Variants in CTNND2 observed in about 807,000 individuals in gnomAD.
CTNND2 encodes catenin delta-2.
A neutral mutation model predicts 144.4 loss-of-function variants in CTNND2; 22 were observed. The ratio of observed to expected loss-of-function variants is 0.15; its 90% CI spans 0.11 to 0.22. The LOEUF (loss-of-function observed/expected upper bound fraction) is 0.22, where lower values mean the gene tolerates loss of function less well. Ranked by LOEUF, CTNND2 falls within the 10% of genes least tolerant of loss-of-function variation. The pLI is 1.00. For synonymous variants in CTNND2, 751 were observed against 695.6 expected (o/e 1.08, Z -1.25); for missense variants, 1,353 against 1,618.8 (o/e 0.84, Z 2.82).
chr5:11,541,848 C>CG lies in CTNND2; in HGVS notation c.287+23095_287+23096insC, dbSNP rs202003135. Among the ~76,000 whole-genome samples the CG allele has an allele frequency of 4.2e-3, 626 of 147,680 alleles. 13 individuals are homozygous for CG. Among genetic ancestry groups the CG allele is most frequent in the African/African-American group, 0.014 (538 of 39,214 alleles). On this transcript the variant is annotated intron_variant, in intron 3 of 21. Transcript: ENST00000304623. ...TATTATTTATTATCGACCCCCCCCC[C>CG]CCGGCCAAAAGCCTTTTCCAACTTT... is the stretch of plus-strand genomic sequence containing the variant.
chr5:11,028,176 G>T (rs774617991), intron 16 of CTNND2, among the ~76,000 whole-genome samples: 6 of 152,150 alleles, frequency 3.9e-5, no homozygotes, highest in Non-Finnish European at 8.8e-5. Flanking sequence ...AAACTTAAAT[G>T]TCTCAAACTG....
At chr5:11,679,734 T>G (rs1230016557) in intron 2 of CTNND2, among the ~76,000 whole-genome samples, 1 of 152,208 alleles carries the variant, frequency 6.6e-6, no homozygotes, top group African/African-American at 2.4e-5. Context: ...AGCATAATGG[T>G]TTGTTGAATT....
At chr5:11,212,845 G>T (rs138820290) in intron 10 of CTNND2, among the ~76,000 whole-genome samples, 9 of 152,306 alleles carry the variant, frequency 5.9e-5, no homozygotes, top group African/African-American at 2.2e-4. Flanking sequence ...GGGGGATGCT[G>T]GGAGGAGACT....
intron 3 of CTNND2, among the ~76,000 whole-genome samples, chr5:11,541,362 A>G (rs1361187493): frequency 6.6e-6 from 1 of 152,232 alleles, no homozygotes; most frequent in Non-Finnish European, 1.5e-5. Context: ...GATAAAGGTA[A>G]ATAGCCATAA....
chr5:11,586,999 G>T (rs1453602414), intron 2 of CTNND2, among the ~76,000 whole-genome samples: 1 of 152,064 alleles, frequency 6.6e-6, no homozygotes, highest in Non-Finnish European at 1.5e-5. Context: ...AAGGGAATGG[G>T]CAAACATAAT....
chr5:11,408,989 T>A (rs1274508044), intron 5 of CTNND2, among the ~76,000 whole-genome samples: 1 of 152,074 alleles, frequency 6.6e-6, no homozygotes, highest in Non-Finnish European at 1.5e-5. Context: ...TTCTTGCTAT[T>A]TATTTACCTC....
intron 1 of CTNND2, among the ~76,000 whole-genome samples, chr5:11,787,585 GA>G (rs1312647793): frequency 2.6e-5 from 4 of 152,120 alleles, no homozygotes; most frequent in African/African-American, 9.7e-5. Flanking sequence ...AGCATTTTAA[GA>G]TTTTTTTATT....
chr5:11,706,673 A>G (rs978390480), intron 2 of CTNND2, among the ~76,000 whole-genome samples: 1 of 152,348 alleles, frequency 6.6e-6, no homozygotes, highest in African/African-American at 2.4e-5. Flanking sequence ...AATCACACAT[A>G]GCCTCTTGTG....
chr5:11,102,473 C>A (rs182480014), intron 14 of CTNND2, among the ~76,000 whole-genome samples: 2 of 152,258 alleles, frequency 1.3e-5, no homozygotes, highest in African/African-American at 4.8e-5. Flanking sequence ...GGTAGCAAAG[C>A]AGTGAGTGTA....
chr5:11,324,328 A>G (rs560347649), intron 9 of CTNND2, among the ~76,000 whole-genome samples: 2 of 152,326 alleles, frequency 1.3e-5, no homozygotes, highest in East Asian at 3.9e-4. Context: ...AAGCCTGCTG[A>G]AATGTCCACT....
At chr5:11,441,958 TTTCTAA>T (rs1764307244) in intron 3 of CTNND2, among the ~76,000 whole-genome samples, 1 of 152,234 alleles carries the variant, frequency 6.6e-6, no homozygotes. Context: ...CTGTGTGGCT[TTTCTAA>T]TTTTTTCCAA....
chr5:11,085,163 A>G (rs1275461767), intron 15 of CTNND2, among the ~76,000 whole-genome samples: 1 of 152,226 alleles, frequency 6.6e-6, no homozygotes, highest in Admixed American at 6.5e-5. Context: ...CTGGGAATTG[A>G]TTTGAGAGCA....
intron 1 of CTNND2, among the ~76,000 whole-genome samples, chr5:11,843,600 A>T (rs1425066530): frequency 6.6e-6 from 1 of 152,206 alleles, no homozygotes; most frequent in East Asian, 1.9e-4. Context: ...TTAGCAAAAA[A>T]TGTCTATCTC....
chr5:11,630,389 G>A (rs575247386), intron 2 of CTNND2, among the ~76,000 whole-genome samples: 296 of 152,286 alleles, frequency 1.9e-3, no homozygotes, highest in African/African-American at 6.7e-3. Flanking sequence ...CGGAGGGACT[G>A]ATCAGCAAAC....
chr5:11,508,581 A>T (rs1462972865), intron 3 of CTNND2: 1 of 152,208 alleles, frequency 6.6e-6, no homozygotes, highest in Non-Finnish European at 1.5e-5. Flanking sequence ...GATAAAAAAA[A>T]ATACTTGGGG....
At chr5:11,470,604 A>T (rs902208547) in intron 3 of CTNND2, among the ~76,000 whole-genome samples, 1 of 151,994 alleles carries the variant, frequency 6.6e-6, no homozygotes, top group Non-Finnish European at 1.5e-5. Context: ...CTTCATTTGT[A>T]ATCTAATGTC....
chr5:11,016,926 C>G (rs776580858), intron 18 of CTNND2, among the ~76,000 whole-genome samples: 1 of 151,480 alleles, frequency 6.6e-6, no homozygotes, highest in Non-Finnish European at 1.5e-5. Flanking sequence ...GCTGCTACCA[C>G]GCCGAGCTTT....
intron 2 of CTNND2, among the ~76,000 whole-genome samples, chr5:11,624,405 T>C (rs947239010): frequency 3.3e-5 from 5 of 152,166 alleles, no homozygotes; most frequent in African/African-American, 9.6e-5. Flanking sequence ...TCTCTATTTA[T>C]GAATAAAAAT....
chr5:11,485,446 T>A (rs973054954), intron 3 of CTNND2, among the ~76,000 whole-genome samples: 1 of 152,044 alleles, frequency 6.6e-6, no homozygotes, highest in East Asian at 1.9e-4. Context: ...TTTTTCTACT[T>A]GAAAATTCAA....
Sources: gnomAD v4.1 joint callset for allele counts (sites outside exome capture counted in the v4.1 genomes callset) on GRCh38, gnomAD v4.1.1 for gene constraint, MANE v1.5 for transcripts, NCBI Gene and HGNC (gene_info 2026-07-23, HGNC 2026-07-21) for gene names.